The following ITGA9 variants were observed in gnomAD, a reference collection of about 807,000 sequenced individuals.
ITGA9 encodes integrin alpha-9.
ITGA9 carries 56 observed loss-of-function variants against 127.8 expected under a neutral mutation model. That is an observed-to-expected ratio of 0.44 (90% CI 0.35 to 0.55). ITGA9 has a LOEUF of 0.55. Ranked by LOEUF, ITGA9 falls within the 20% of genes least tolerant of loss-of-function variation. The pLI is 0.00. For synonymous variants in ITGA9, 508 were observed against 514.5 expected (o/e 0.99, Z 0.17); for missense variants, 1,196 against 1,347.1 (o/e 0.89, Z 1.76).
At chr3:37,766,636 CT>C (rs1466658028) in intron 23 of ITGA9, among the ~76,000 whole-genome samples, 3 of 152,148 alleles carry the variant, frequency 2.0e-5, no homozygotes, top group Non-Finnish European at 4.4e-5. Flanking sequence ...CATTCTTTAC[CT>C]TAAGATGGGT....
intron 15 of ITGA9, among the ~76,000 whole-genome samples, chr3:37,620,168 A>G (rs1202677502): frequency 6.6e-6 from 1 of 152,238 alleles, no homozygotes; most frequent in Non-Finnish European, 1.5e-5. Context: ...ATACAGGGGC[A>G]TGGGTCACTG....
intron 23 of ITGA9, 147 bp downstream of exon 23, chr3:37,750,716 G>A: frequency 1.4e-6 from 1 of 705,680 alleles, no homozygotes; most frequent in Non-Finnish European, 2.6e-6. Context: ...GAGAGGCCAG[G>A]GGACCTGTGA....
intron 15 of ITGA9, among the ~76,000 whole-genome samples, chr3:37,589,096 C>G (rs375937663): frequency 1.2e-3 from 183 of 152,258 alleles, no homozygotes; most frequent in African/African-American, 4.1e-3. Context: ...GCTTCCTCGT[C>G]TAGAAATTGG....
chr3:37,800,406 TG>T (rs775279855), intron 26 of ITGA9, among the ~76,000 whole-genome samples: 28 of 152,220 alleles, frequency 1.8e-4, no homozygotes, highest in Non-Finnish European at 3.8e-4. Context: ...GAAAGTTGGT[TG>T]CCTACGGTTG....
At chr3:37,584,137 G>A (rs1699734194) in intron 15 of ITGA9, among the ~76,000 whole-genome samples, 1 of 152,210 alleles carries the variant, frequency 6.6e-6, no homozygotes, top group Admixed American at 6.5e-5. Flanking sequence ...GGATCTGTGG[G>A]ATGGTTGGAC....
At chr3:37,530,423 G>A (rs1284896975) in intron 13 of ITGA9, among the ~76,000 whole-genome samples, 1 of 152,200 alleles carries the variant, frequency 6.6e-6, no homozygotes, top group African/African-American at 2.4e-5. Flanking sequence ...CCAGAGGTAT[G>A]TGGGTTAGGA....
At chr3:37,612,008 G>A (rs55862097) in intron 15 of ITGA9, among the ~76,000 whole-genome samples, 3,166 of 152,092 alleles carry the variant, frequency 0.021, 57 homozygotes, top group Non-Finnish European at 0.03. Flanking sequence ...GGGCCCTGGG[G>A]TGATTTTCAG....
chr3:37,641,158 A>G (rs768613238), intron 16 of ITGA9, among the ~76,000 whole-genome samples: 1 of 152,182 alleles, frequency 6.6e-6, no homozygotes, highest in Non-Finnish European at 1.5e-5. Flanking sequence ...GTCCGGCCAC[A>G]CAGCATGAGG....
intron 16 of ITGA9, among the ~76,000 whole-genome samples, chr3:37,642,987 T>G (rs1254321926): frequency 6.6e-6 from 1 of 152,210 alleles, no homozygotes; most frequent in East Asian, 1.9e-4. Context: ...ATTTTCATTA[T>G]TATATTTAAA....
chr3:37,654,684 T>C (rs978735919), intron 17 of ITGA9, among the ~76,000 whole-genome samples: 1 of 152,200 alleles, frequency 6.6e-6, no homozygotes, highest in Non-Finnish European at 1.5e-5. Context: ...AACCAGTGCC[T>C]ACACTAGGAC....
At chr3:37,563,768 T>A (rs1291673169) in intron 15 of ITGA9, among the ~76,000 whole-genome samples, 1 of 152,204 alleles carries the variant, frequency 6.6e-6, no homozygotes, top group Non-Finnish European at 1.5e-5. Flanking sequence ...TCCTGCCTGG[T>A]AGGCAGCAGA....
At chr3:37,526,226 C>G (rs772632774) in intron 13 of ITGA9, among the ~76,000 whole-genome samples, 155 bp downstream of exon 13, 3 of 152,096 alleles carry the variant, frequency 2.0e-5, no homozygotes, top group Admixed American at 1.3e-4. Flanking sequence ...TCTAATTATT[C>G]TCTATCCCAG....
rs1553652075 is a variant in ITGA9 at position 37,622,152 on chromosome 3, T to TC, written c.1690-7031dup. 6.9e-3 allele frequency among the ~76,000 whole-genome samples: 1,035 copies of TC among 150,634 alleles called. 11 individuals are homozygous for TC. The highest frequency in any genetic ancestry group is 0.062 in the Middle Eastern group (18 of 292). ...TGTTTGTTTACTTTTTTTTTTTTTTTCCCCGGCTCACTGCAAGCTCCACCT... is the reference window on the plus strand; with the variant it reads ...TGTTTGTTTACTTTTTTTTTTTTTTTCCCCCGGCTCACTGCAAGCTCCACCT... On this transcript the variant is annotated intron_variant, in intron 15 of 27. Coordinates refer to ENST00000264741, the MANE Select transcript of ITGA9 (RefSeq NM_002207.3).
intron 15 of ITGA9, among the ~76,000 whole-genome samples, chr3:37,593,475 A>G (rs181894691): frequency 1.3e-5 from 2 of 152,344 alleles, no homozygotes; most frequent in African/African-American, 4.8e-5. Context: ...CCCACAATCA[A>G]GGTGCCAGCA....
At chr3:37,460,528 A>G (rs909190695) in intron 1 of ITGA9, among the ~76,000 whole-genome samples, 38 of 151,974 alleles carry the variant, frequency 2.5e-4, no homozygotes, top group Admixed American at 2.2e-3. Context: ...TACATATTAC[A>G]TGCCTGTAAC....
At chr3:37,496,022 G>A (rs557290889) in intron 5 of ITGA9, among the ~76,000 whole-genome samples, 29 of 152,286 alleles carry the variant, frequency 1.9e-4, no homozygotes, top group African/African-American at 6.7e-4. Context: ...CTGGGGAAGG[G>A]CATGGGACAT....
chr3:37,475,626 C>A (rs1168189820), intron 3 of ITGA9, among the ~76,000 whole-genome samples: 1 of 152,194 alleles, frequency 6.6e-6, no homozygotes, highest in Non-Finnish European at 1.5e-5. Flanking sequence ...GAAGTTATTG[C>A]ATCATCCACT....
At chr3:37,765,237 A>G (rs1186376347) in intron 23 of ITGA9, among the ~76,000 whole-genome samples, 1 of 152,032 alleles carries the variant, frequency 6.6e-6, no homozygotes, top group African/African-American at 2.4e-5. Context: ...GAATATTTTG[A>G]ACAAATTCCT....
chr3:37,540,388 C>T (rs1699253500), intron 14 of ITGA9, among the ~76,000 whole-genome samples: 1 of 152,228 alleles, frequency 6.6e-6, no homozygotes, highest in African/African-American at 2.4e-5. Flanking sequence ...TGTAATCTTT[C>T]TTACTTCAGG....
Sources: allele counts gnomAD v4.1 joint callset (sites outside exome capture counted in the v4.1 genomes callset), GRCh38; gene constraint gnomAD v4.1.1; transcripts MANE v1.5; gene names NCBI Gene and HGNC (gene_info 2026-07-23, HGNC 2026-07-21).